The following VIL1 variants were observed in gnomAD, a reference collection of about 807,000 sequenced individuals.
VIL1 encodes the protein villin 1.
In VIL1, 86 loss-of-function variants were observed where a neutral mutation model predicts 104.0. The ratio of observed to expected loss-of-function variants is 0.83; its 90% CI spans 0.69 to 0.99. The LOEUF is 0.99. Ranked by LOEUF, VIL1 falls within the 50% of genes least tolerant of loss-of-function variation. The probability of loss-of-function intolerance (pLI) is 0.00; values close to 1 mark genes in which losing one functional copy is unlikely to be tolerated. For missense variants in VIL1, 944 were observed against 1,054.1 expected (o/e 0.90, Z 1.45); for synonymous variants, 394 against 412.6 (o/e 0.95, Z 0.55).
Position 218,449,209 on chromosome 2 carries a change from C to G in VIL1, c.2371-14C>G, listed in dbSNP as rs768283398. 1.2e-6 allele frequency: 2 copies of G among 1,605,630 alleles called. No homozygotes were observed. The highest frequency in any genetic ancestry group is 1.7e-6 in the Non-Finnish European group (2 of 1,172,410). On this transcript the variant is annotated splice_polypyrimidine_tract_variant and intron_variant, in intron 19 of 19. Coordinates refer to ENST00000248444, the MANE Select transcript of VIL1 (RefSeq NM_007127.3). ...ATATGTGACCTTTGCCCTCTGGTCC[C>G]TCTCTTCTTCTAGGAACACCTGTCC... is the stretch of plus-strand genomic sequence containing the variant.
At chr2:218,436,332 G>A in intron 15 of VIL1, 150 bp from the exon 16 acceptor site, 1 of 1,053,244 alleles carries the variant, frequency 9.5e-7, no homozygotes, top group Non-Finnish European at 1.4e-6. Flanking sequence ...CTCTTGGAAT[G>A]AGAGGGGACC....
rs1247584171 is a variant in VIL1, at chr2:218,428,293, A to G, written c.523A>G (p.Ile175Val). 5.6e-6 allele frequency: 9 copies of G among 1,614,214 alleles called. No individual in the cohort carries two copies. The highest frequency in any genetic ancestry group is 4.5e-5 in the East Asian group (2 of 44,882). The change falls in exon 6 of 20, where the codon ATC (isoleucine) becomes GTC (valine). Residue 175 changes from isoleucine to valine, a missense_variant. By Grantham distance (29) the Ile-to-Val change is conservative. Transcript: ENST00000248444. Reference protein sequence around the residue: ...VFLLDLGKLIIQWNGPESTRM... With the variant: ...VFLLDLGKLIVQWNGPESTRM... ...CCTCCTGGACCTTGGGAAGCTTATCATCCAGTGGAATGGACCGGAAAGCAC... is the reference window on the plus strand; with the variant it reads ...CCTCCTGGACCTTGGGAAGCTTATCGTCCAGTGGAATGGACCGGAAAGCAC...
At chr2:218,445,492 C>A (rs1265333252) in intron 19 of VIL1, among the ~76,000 whole-genome samples, 1 of 152,210 alleles carries the variant, frequency 6.6e-6, no homozygotes, top group East Asian at 1.9e-4. Context: ...CTTCCAGGAA[C>A]CTTAAGGAGA....
At chr2:218,430,967 G>A (rs1355147289) in intron 10 of VIL1, 89 bp downstream of exon 10, 8 of 1,502,036 alleles carry the variant, frequency 5.3e-6, no homozygotes, top group Non-Finnish European at 7.2e-6. Flanking sequence ...CTCCTTCCCT[G>A]ACGTGCATCT....
At chr2:218,428,195 G>C (rs748508447) in intron 5 of VIL1, 32 bp from the exon 6 acceptor site, 24 of 1,609,296 alleles carry the variant, frequency 1.5e-5, no homozygotes, top group Non-Finnish European at 2.0e-5. Context: ...TGAGCTCTGA[G>C]TGGGGTCTGT....
rs754909024 is a variant in VIL1 at position 218,428,256 on chromosome 2, AG to A, written c.490del (p.Asp164MetfsTer28). The part of the protein sequence containing the change: ...VEMSWKSFNR[G>X]DVFLLDLGKL... The stretch of plus-strand genomic sequence containing the variant: ...AGATGTCCTGGAAGAGTTTCAACCG[AG>A]GGGATGTTTTCCTCCTGGACCTTGG... On this transcript the variant is annotated frameshift_variant, in exon 6 of 20. Coordinates refer to ENST00000248444, the MANE Select transcript of VIL1 (RefSeq NM_007127.3). LOFTEE classifies it high-confidence loss of function. The A allele has an allele frequency of 3.7e-6, 6 of 1,614,080 alleles. No homozygotes were observed. The highest frequency in any genetic ancestry group is 8.5e-7 in the Non-Finnish European group (1 of 1,179,996).
At chr2:218,440,226 T>C (rs1229262677) in intron 18 of VIL1, among the ~76,000 whole-genome samples, 1 of 152,178 alleles carries the variant, frequency 6.6e-6, no homozygotes, top group East Asian at 1.9e-4. Context: ...AAAAGAGTCA[T>C]TTTCCACCAA....
intron 13 of VIL1, among the ~76,000 whole-genome samples, chr2:218,433,801 G>A (rs1689138939): frequency 6.6e-6 from 1 of 152,070 alleles, no homozygotes; most frequent in African/African-American, 2.4e-5. Context: ...CAGCTACTGG[G>A]GAGGCTGGGG....
intron 1 of VIL1, among the ~76,000 whole-genome samples, chr2:218,420,863 G>C (rs544922747): frequency 6.6e-6 from 1 of 152,154 alleles, no homozygotes; most frequent in African/African-American, 2.4e-5. Context: ...GGGATTACAC[G>C]CGTGAGCCAC....
rs1689495501 is a variant in VIL1, at chr2:218,451,987, AAC to A, written c.*2653_*2654del. 1 of 152,636 alleles carries A rather than the reference AAC, an allele frequency of 6.6e-6. No homozygotes were observed. The highest frequency in any genetic ancestry group is 2.4e-5 in the African/African-American group (1 of 41,444). The allele number at this position is 152,636 out of a possible 1,614,324, so 9.5% of individuals were successfully genotyped here. ...CACACATGTGAATATATCCCTACGA[AAC>A]AGTCTATCTTCTCATAGGCTTAAAT... On this transcript the variant is annotated 3_prime_UTR_variant, in exon 20 of 20. Transcript: ENST00000248444.
intron 19 of VIL1, among the ~76,000 whole-genome samples, chr2:218,444,110 C>T (rs1158756793): frequency 5.9e-5 from 9 of 152,066 alleles, no homozygotes; most frequent in African/African-American, 1.4e-4. Context: ...GGATTACAGG[C>T]GTGCGCCACC....
chr2:218,440,093 G>C (rs1467954352), intron 18 of VIL1, among the ~76,000 whole-genome samples: 1 of 152,138 alleles, frequency 6.6e-6, no homozygotes, highest in Non-Finnish European at 1.5e-5. Flanking sequence ...GTATAGATAG[G>C]TCAAGGTTAA....
At chr2:218,420,441 A>AG (rs1392730076) in intron 1 of VIL1, among the ~76,000 whole-genome samples, 1 of 149,532 alleles carries the variant, frequency 6.7e-6, no homozygotes, top group African/African-American at 2.5e-5. Context: ...AAAAAAAAAA[A>AG]AAAAAAGAAA....
At chr2:218,428,133 G>T in intron 5 of VIL1, 60 bp downstream of exon 5, 1 of 1,601,466 alleles carries the variant, frequency 6.2e-7, no homozygotes, top group Non-Finnish European at 8.6e-7. Flanking sequence ...GAGGGCAGGG[G>T]CTGAGGAGGG....
At chr2:218,429,136 T>C (rs1024281063) in intron 6 of VIL1, 149 bp from the exon 7 acceptor site, 10 of 889,190 alleles carry the variant, frequency 1.1e-5, no homozygotes, top group Non-Finnish European at 1.4e-5. Flanking sequence ...CCTTAAAAGC[T>C]TGACCCCTCC....
intron 19 of VIL1, among the ~76,000 whole-genome samples, chr2:218,446,165 C>T (rs1689361025): frequency 6.6e-6 from 1 of 152,154 alleles, no homozygotes; most frequent in Non-Finnish European, 1.5e-5. Flanking sequence ...CTAAGCAAAA[C>T]CTGCTCCTAC....
At chr2:218,426,824 A>G (rs1025276885) in intron 4 of VIL1, among the ~76,000 whole-genome samples, 54 of 151,434 alleles carry the variant, frequency 3.6e-4, no homozygotes, top group Admixed American at 1.7e-3. Flanking sequence ...GGATGGTCTC[A>G]ATCTCCTGAC....
At chr2:218,437,429 G>C (rs1310762190) in intron 17 of VIL1, 117 bp downstream of exon 17, 4 of 1,327,754 alleles carry the variant, frequency 3.0e-6, no homozygotes, top group Non-Finnish European at 4.1e-6. Context: ...AAAGGGGCTA[G>C]AGGAGGCTTA....
chr2:218,452,858 A>G lies in VIL1; in HGVS notation c.*3522A>G, dbSNP rs1250317807. The G allele has an allele frequency of 3.3e-5, 5 of 152,262 alleles. No individual in the cohort carries two copies. Among genetic ancestry groups the G allele is most frequent in the African/African-American group, 9.6e-5 (4 of 41,476 alleles). The allele number at this position is 152,262 out of a possible 1,614,324, so 9.4% of individuals were successfully genotyped here. ...CGTAAAAGAATTAATAACTAGCCAAAGAATTTTATCACCGCTTCACTCATT... is the reference window on the plus strand; with the variant it reads ...CGTAAAAGAATTAATAACTAGCCAAGGAATTTTATCACCGCTTCACTCATT... On this transcript the variant is annotated 3_prime_UTR_variant, in exon 20 of 20. Transcript: ENST00000248444.
Sources: gnomAD v4.1 joint callset for allele counts (sites outside exome capture counted in the v4.1 genomes callset) on GRCh38, gnomAD v4.1.1 for gene constraint, MANE v1.5 for transcripts, NCBI Gene and HGNC (gene_info 2026-07-23, HGNC 2026-07-21) for gene names.